COLEC12: variants seen among roughly 807,000 people sequenced by gnomAD.
The protein encoded by COLEC12 is collectin subfamily member 12, also known as collectin-12.
In COLEC12, 33 loss-of-function variants were observed where a neutral mutation model predicts 71.1. The observed-to-expected ratio is 0.46, with a 90% CI of 0.35 to 0.62. The LOEUF is 0.62. COLEC12 is among the 20% of genes least tolerant of loss of function. The pLI is 0.00. For missense variants in COLEC12, 765 were observed against 916.1 expected (o/e 0.84, Z 2.13); for synonymous variants, 350 against 353.0 (o/e 0.99, Z 0.10).
At chr18:497,124 C>T (rs533708534) in intron 1 of COLEC12, among the ~76,000 whole-genome samples, 2 of 152,222 alleles carry the variant, frequency 1.3e-5, no homozygotes, top group South Asian at 4.1e-4. Context: ...TATTTTGGTA[C>T]TTGTGACTCC....
At chr18:462,119 G>A (rs2143735684) in intron 2 of COLEC12, among the ~76,000 whole-genome samples, 1 of 152,266 alleles carries the variant, frequency 6.6e-6, no homozygotes, top group South Asian at 2.1e-4. Flanking sequence ...ACCACTTTGG[G>A]ATACACTCAG....
chr18:321,423 C>T (rs1206057429), intron 9 of COLEC12, among the ~76,000 whole-genome samples: 1 of 152,210 alleles, frequency 6.6e-6, no homozygotes, highest in African/African-American at 2.4e-5. Context: ...GTTTAGCATT[C>T]GTTGAGTACT....
At chr18:394,729 C>T (rs1318196190) in intron 2 of COLEC12, among the ~76,000 whole-genome samples, 1 of 152,216 alleles carries the variant, frequency 6.6e-6, no homozygotes, top group Non-Finnish European at 1.5e-5. Flanking sequence ...TTCGAAAATA[C>T]TGACTTGGCC....
chr18:405,363 G>C (rs912353844), intron 2 of COLEC12, among the ~76,000 whole-genome samples: 2 of 152,112 alleles, frequency 1.3e-5, no homozygotes, highest in Non-Finnish European at 2.9e-5. Flanking sequence ...TGAAGCGTGT[G>C]ATCTTTGTAC....
At chr18:371,972 T>C (rs1915009624) in intron 2 of COLEC12, among the ~76,000 whole-genome samples, 1 of 152,202 alleles carries the variant, frequency 6.6e-6, no homozygotes, top group South Asian at 2.1e-4. Context: ...ATGCAGGCAC[T>C]GTGGTGATTC....
intron 2 of COLEC12, among the ~76,000 whole-genome samples, chr18:373,947 G>A (rs1915057600): frequency 1.3e-5 from 2 of 152,172 alleles, no homozygotes; most frequent in African/African-American, 4.8e-5. Flanking sequence ...CTGAGCTTGG[G>A]CCTCCTCTTG....
chr18:355,047 G>GCATCCATCCATC (rs112034077), intron 3 of COLEC12, among the ~76,000 whole-genome samples: 12 of 150,380 alleles, frequency 8.0e-5, no homozygotes, highest in South Asian at 2.1e-4. Context: ...ATCCATCCAT[G>GCATCCATCCATC]CATCCATCCA....
At chr18:476,512 AC>A (rs1416286966) in intron 2 of COLEC12, among the ~76,000 whole-genome samples, 1 of 152,204 alleles carries the variant, frequency 6.6e-6, no homozygotes, top group Admixed American at 6.5e-5. Flanking sequence ...CTATTATCAT[AC>A]CGGATCAGAT....
At chr18:371,802 G>C (rs1238618524) in intron 2 of COLEC12, among the ~76,000 whole-genome samples, 1 of 152,172 alleles carries the variant, frequency 6.6e-6, no homozygotes, top group Non-Finnish European at 1.5e-5. Flanking sequence ...CTGGGACCTA[G>C]AGAGGACACA....
At chr18:435,788 T>C (rs1430841591) in intron 2 of COLEC12, among the ~76,000 whole-genome samples, 1 of 152,238 alleles carries the variant, frequency 6.6e-6, no homozygotes, top group Non-Finnish European at 1.5e-5. Context: ...AGAAGTTCAT[T>C]TGTTTTCAAA....
In COLEC12 at chr18:399,138, A is replaced by G. The variant is rs768186541; in HGVS notation, c.59-41616T>C. On this transcript the variant is annotated intron_variant, in intron 2 of 9. Transcript: ENST00000400256. This position sits in a 1 kb window ranked among gnomAD's most constrained non-coding sequence, Gnocchi z 4.0. ...GCTCAAGGAACTGTTTAAAAAGCAA[A>G]GGAACCAAAAACAACACAAAAAAAC... Among the ~76,000 whole-genome samples, 1 of 152,224 alleles carries G rather than the reference A, an allele frequency of 6.6e-6. No individual in the cohort carries two copies. Among genetic ancestry groups the G allele is most frequent in the Non-Finnish European group, 1.5e-5 (1 of 68,036 alleles).
chr18:406,014 A>C (rs886960111), intron 2 of COLEC12, among the ~76,000 whole-genome samples: 1 of 152,146 alleles, frequency 6.6e-6, no homozygotes, highest in Admixed American at 6.5e-5. Flanking sequence ...TACAGGTTGC[A>C]GTAAAGTAGC....
At chr18:356,940 G>A (rs1247286262) in intron 3 of COLEC12, among the ~76,000 whole-genome samples, 1 of 152,178 alleles carries the variant, frequency 6.6e-6, no homozygotes, top group East Asian at 1.9e-4. Context: ...CAGTGAATGT[G>A]CTGCAGAGAA....
intron 2 of COLEC12, among the ~76,000 whole-genome samples, chr18:479,526 ACTCTCTCTCT>A (rs541393393): frequency 6.9e-6 from 1 of 144,078 alleles, no homozygotes; most frequent in Non-Finnish European, 1.5e-5. Context: ...TCATTTTCAT[ACTCTCTCTCT>A]CTCTCTCTCT....
intron 1 of COLEC12, among the ~76,000 whole-genome samples, chr18:487,236 G>C (rs1419063432): frequency 1.3e-5 from 2 of 152,172 alleles, no homozygotes; most frequent in East Asian, 3.8e-4. Flanking sequence ...CACACACATT[G>C]TGTGATTCAA....
Position 436,525 on chromosome 18 carries a change from A to AG in COLEC12, c.58+44181dup, listed in dbSNP as rs10547166. 2.5e-3 allele frequency among the ~76,000 whole-genome samples: 247 copies of AG among 98,844 alleles called. 2 individuals carry two copies. The highest frequency in any genetic ancestry group is 2.8e-3 in the African/African-American group (67 of 23,554). 64.8% of individuals were successfully genotyped at this position (98,844 alleles called of 152,430 possible). Reference sequence around the variant, plus strand: ...AGCGAGACTCCATCTCAAAAAAAAAAGGGGGGGGGGGGGGAAACAGGGGTG... The same window carrying AG: ...AGCGAGACTCCATCTCAAAAAAAAAAGGGGGGGGGGGGGGGAAACAGGGGTG... On this transcript the variant is annotated intron_variant, in intron 2 of 9. Transcript: ENST00000400256.
intron 2 of COLEC12, among the ~76,000 whole-genome samples, chr18:453,217 C>T (rs1916796517): frequency 6.6e-6 from 1 of 152,182 alleles, no homozygotes. Context: ...CTGGCTTGTT[C>T]TGGAGATCAC....
chr18:402,473 G>A (rs1915707093), intron 2 of COLEC12, among the ~76,000 whole-genome samples: 2 of 152,124 alleles, frequency 1.3e-5, no homozygotes, highest in South Asian at 4.2e-4. Context: ...AGAGTAAAAC[G>A]GCAACACAAC....
intron 2 of COLEC12, among the ~76,000 whole-genome samples, chr18:439,449 CACA>C: frequency 6.7e-6 from 1 of 149,250 alleles, no homozygotes; most frequent in South Asian, 2.1e-4. Context: ...AACTAATATA[CACA>C]ACAAACCAAA....
Sources: allele counts gnomAD v4.1 joint callset (sites outside exome capture counted in the v4.1 genomes callset), GRCh38; gene constraint gnomAD v4.1.1; non-coding constraint Gnocchi (gnomAD v3.1); transcripts MANE v1.5; gene names NCBI Gene and HGNC (gene_info 2026-07-23, HGNC 2026-07-21).